The following ADGRL3 variants were observed in gnomAD, a reference collection of about 807,000 sequenced individuals.
ADGRL3 encodes adhesion G protein-coupled receptor L3.
Under a neutral mutation model 153.5 loss-of-function variants are expected in ADGRL3, and 62 were observed. That is an observed-to-expected ratio of 0.40 (90% confidence interval 0.33 to 0.50). The LOEUF (loss-of-function observed/expected upper bound fraction) is 0.50. Ranked by LOEUF, ADGRL3 falls within the 20% of genes least tolerant of loss-of-function variation. ADGRL3 has a pLI of 0.47. For missense variants in ADGRL3, 1,641 were observed against 1,859.4 expected, an observed-to-expected ratio of 0.88 and a Z score of 2.16; for synonymous variants, 710 against 672.5, an observed-to-expected ratio of 1.06 and a Z score of -0.86.
chr4:61,391,855 C>CTT (rs869176171), intron 2 of ADGRL3, among the ~76,000 whole-genome samples: 25,931 of 91,486 alleles, frequency 0.28, 5,164 homozygotes, highest in South Asian at 0.37. Flanking sequence ...AAAAATGCTA[C>CTT]TTTTTTTTTT....
At position 61,589,620 on chromosome 4, in the gene ADGRL3, G is replaced by A. The variant is rs535886086; in HGVS notation, c.473+2180G>A. On this transcript the variant is annotated intron_variant, in intron 5 of 26. Coordinates refer to ENST00000683033, the MANE Select transcript of ADGRL3 (RefSeq NM_001387552.1). Reference sequence around the variant, plus strand: ...AAAGAGACTATATCAGAGTCTAAACGTTTCTAAGCATGTCTTATGAAGGAT... The same window carrying A: ...AAAGAGACTATATCAGAGTCTAAACATTTCTAAGCATGTCTTATGAAGGAT... Among the ~76,000 whole-genome samples the A allele has an allele frequency of 3.9e-5, 6 of 151,992 alleles. No individual in the cohort carries two copies. In the South Asian group the frequency reaches 1.2e-3, roughly 32 times the overall value.
intron 2 of ADGRL3, among the ~76,000 whole-genome samples, chr4:61,433,842 C>T (rs1371358375): frequency 1.3e-5 from 2 of 152,066 alleles, no homozygotes; most frequent in African/African-American, 2.4e-5. Context: ...TCTGCCTTTC[C>T]AGACTCTTCT....
chr4:61,937,400 AT>A lies in ADGRL3; in HGVS notation c.2419+1369del, dbSNP rs561189802. On this transcript the variant is annotated intron_variant, in intron 15 of 26. Transcript: ENST00000683033. Reference sequence around the variant, plus strand: ...CATGTTCCTGCATCAGGTTTGGGGCATTTTTTTTTTTTTTGCATTTTTTTAA... The same window carrying A: ...CATGTTCCTGCATCAGGTTTGGGGCATTTTTTTTTTTTTGCATTTTTTTAA... Among the ~76,000 whole-genome samples the A allele has an allele frequency of 5.0e-3, 680 of 135,504 alleles. 2 individuals are homozygous for A. Among genetic ancestry groups the A allele is most frequent in the Middle Eastern group, 7.9e-3 (2 of 254 alleles). The allele number at this position is 135,504 out of a possible 152,430, so 88.9% of individuals were successfully genotyped here.
intron 13 of ADGRL3, among the ~76,000 whole-genome samples, chr4:61,915,927 G>A (rs994527561): frequency 6.6e-6 from 1 of 151,644 alleles, no homozygotes; most frequent in African/African-American, 2.4e-5. Context: ...TTTTAATATA[G>A]CCTTTTCATA....
intron 5 of ADGRL3, among the ~76,000 whole-genome samples, chr4:61,646,271 T>G (rs1023311657): frequency 6.6e-6 from 1 of 152,190 alleles, no homozygotes; most frequent in African/African-American, 2.4e-5. Flanking sequence ...GTCTGAAGCC[T>G]TCTTCTCTCA....
chr4:61,688,949 G>A (rs1057034105), intron 6 of ADGRL3, among the ~76,000 whole-genome samples: 1 of 151,992 alleles, frequency 6.6e-6, no homozygotes, highest in African/African-American at 2.4e-5. Context: ...AAATTTTCTT[G>A]TTTAGTTATT....
intron 1 of ADGRL3, among the ~76,000 whole-genome samples, chr4:61,208,216 A>G (rs1359781764): frequency 1.3e-5 from 2 of 152,072 alleles, no homozygotes; most frequent in Admixed American, 1.3e-4. Context: ...TGGTGTAGAG[A>G]TGAACAGAAA....
At chr4:61,391,667 T>C (rs1443080352) in intron 2 of ADGRL3, among the ~76,000 whole-genome samples, 1 of 152,004 alleles carries the variant, frequency 6.6e-6, no homozygotes, top group Non-Finnish European at 1.5e-5. Context: ...CTATTACCTG[T>C]TTTGTTCCAG....
In ADGRL3 at chr4:61,272,572, A is replaced by G. The variant is rs1312183798; in HGVS notation, c.-240+70807A>G. ...TCATTAATTAGAAATGCCCTATTCT[A>G]ACATTTCCTCAGACAGCATGGAATA... On this transcript the variant is annotated intron_variant, in intron 1 of 26. Coordinates refer to ENST00000683033, the MANE Select transcript of ADGRL3 (RefSeq NM_001387552.1). 1.4e-4 allele frequency among the ~76,000 whole-genome samples: 22 copies of G among 152,126 alleles called. 1 individual carries two copies. Among genetic ancestry groups the G allele is most frequent in the Admixed American group, 1.4e-3 (22 of 15,232 alleles).
At chr4:61,331,613 G>C (rs2095574470) in intron 1 of ADGRL3, among the ~76,000 whole-genome samples, 1 of 151,790 alleles carries the variant, frequency 6.6e-6, no homozygotes. Context: ...TCCAATTTAG[G>C]CTTTCAAACT....
chr4:61,640,037 T>C (rs888109163), intron 5 of ADGRL3, among the ~76,000 whole-genome samples: 7 of 152,066 alleles, frequency 4.6e-5, no homozygotes, highest in Non-Finnish European at 1.0e-4. Context: ...GTTAAGAGTA[T>C]AATATTCTTA....
At chr4:61,324,738 T>A (rs1170788011) in intron 1 of ADGRL3, among the ~76,000 whole-genome samples, 1 of 152,196 alleles carries the variant, frequency 6.6e-6, no homozygotes, top group Non-Finnish European at 1.5e-5. Flanking sequence ...GAACACTTTT[T>A]ATGCAATTTT....
At chr4:62,054,931 A>G (rs1736209597) in intron 25 of ADGRL3, among the ~76,000 whole-genome samples, 2 of 150,822 alleles carry the variant, frequency 1.3e-5, no homozygotes. Context: ...ATACCATTTC[A>G]TACTCTGATT....
chr4:61,527,991 C>G (rs1309392061), intron 4 of ADGRL3, among the ~76,000 whole-genome samples: 1 of 152,100 alleles, frequency 6.6e-6, no homozygotes, highest in Non-Finnish European at 1.5e-5. Flanking sequence ...ATTCTAACCT[C>G]CAGTCATCTT....
chr4:61,267,015 T>C (rs1313760702), intron 1 of ADGRL3, among the ~76,000 whole-genome samples: 2 of 151,790 alleles, frequency 1.3e-5, no homozygotes, highest in African/African-American at 2.4e-5. Context: ...GTCAAAGTAT[T>C]ATAATACTGA....
intron 23 of ADGRL3, among the ~76,000 whole-genome samples, chr4:62,035,265 C>T (rs1047218170): frequency 6.6e-6 from 1 of 152,078 alleles, no homozygotes; most frequent in Non-Finnish European, 1.5e-5. Context: ...CGGTTCAGAA[C>T]ATTTAATCTT....
chr4:61,739,140 TTTC>T (rs1478326010), intron 8 of ADGRL3, among the ~76,000 whole-genome samples: 11 of 152,256 alleles, frequency 7.2e-5, no homozygotes, highest in Admixed American at 4.6e-4. Flanking sequence ...TTGCAAATAA[TTTC>T]TTAAAATTTT....
chr4:61,945,669 G>C (rs896208378), intron 15 of ADGRL3, among the ~76,000 whole-genome samples: 5 of 146,792 alleles, frequency 3.4e-5, no homozygotes, highest in East Asian at 2.1e-4. Context: ...TCTGAAAAGC[G>C]CAATATTCGG....
At chr4:61,764,110 T>G (rs1451801779) in intron 8 of ADGRL3, among the ~76,000 whole-genome samples, 2 of 152,180 alleles carry the variant, frequency 1.3e-5, no homozygotes, top group Non-Finnish European at 2.9e-5. Flanking sequence ...TTCATTTATC[T>G]CTAAGCCAAT....
Sources: gnomAD v4.1 joint callset for allele counts (sites outside exome capture counted in the v4.1 genomes callset) on GRCh38, gnomAD v4.1.1 for gene constraint, MANE v1.5 for transcripts, NCBI Gene and HGNC (gene_info 2026-07-23, HGNC 2026-07-21) for gene names.